The following LPIN1 variants were observed in gnomAD, a reference collection of about 807,000 sequenced individuals.
LPIN1 encodes phosphatidate phosphatase LPIN1.
Under a neutral mutation model 107.5 loss-of-function variants are expected in LPIN1, and 71 were observed. The ratio of observed to expected loss-of-function variants is 0.66; its 90% CI spans 0.55 to 0.80. The LOEUF is 0.80. Ranked by LOEUF, LPIN1 falls within the 30% of genes least tolerant of loss-of-function variation. The pLI is 0.00. For missense variants in LPIN1, 1,043 were observed against 1,160.6 expected (o/e 0.90, Z 1.47); for synonymous variants, 445 against 452.6 (o/e 0.98, Z 0.21).
At chr2:11,791,650 G>A (rs1266864816) in intron 12 of LPIN1, 1 of 1,289,654 alleles carries the variant, frequency 7.8e-7, no homozygotes, top group African/African-American at 1.6e-5. Context: ...TTTTTTTGTT[G>A]TTGTTGTTGT....
In LPIN1 at chr2:11,767,667, G is replaced by A. The variant is rs544270176; in HGVS notation, c.193-96G>A. 6.3e-6 allele frequency: 5 copies of A among 792,670 alleles called. No individual in the cohort carries two copies. The East Asian group carries it at 1.0e-4, about 16-fold the overall frequency. 49.1% of individuals were successfully genotyped at this position (792,670 alleles called of 1,614,324 possible). A position where few individuals can be genotyped will look rare whatever the true frequency, so the allele number is the denominator to read the frequency against. ...TTGTGTGGCACTTCAGGGTGTATGCGATGATAGCGTATCTGTGGAGACTTG... is the reference window on the plus strand; with the variant it reads ...TTGTGTGGCACTTCAGGGTGTATGCAATGATAGCGTATCTGTGGAGACTTG... On this transcript the variant is annotated intron_variant, in intron 2 of 20. Transcript: ENST00000674199.
chr2:11,720,423 G>A (rs1262952426), upstream of LPIN1, among the ~76,000 whole-genome samples: 1 of 152,032 alleles, frequency 6.6e-6, no homozygotes, highest in Non-Finnish European at 1.5e-5. Flanking sequence ...TACAATAATT[G>A]TATGCACAAA....
At chr2:11,740,684 G>GAAAAA (rs56188204) in intron 1 of LPIN1, among the ~76,000 whole-genome samples, 1 of 81,550 alleles carries the variant, frequency 1.2e-5, no homozygotes, top group Non-Finnish European at 2.4e-5. Flanking sequence ...GCTCTATCTC[G>GAAAAA]AAAAAAAAAA....
intron 13 of LPIN1, among the ~76,000 whole-genome samples, chr2:11,794,371 A>G (rs949576910): frequency 3.3e-5 from 5 of 152,250 alleles, no homozygotes; most frequent in Admixed American, 2.0e-4. Context: ...TTCTTTAAAA[A>G]TCTGAAATAT....
At chr2:11,709,263 G>A (rs1264939397) in intron 1 of LPIN1, among the ~76,000 whole-genome samples, 1 of 152,174 alleles carries the variant, frequency 6.6e-6, no homozygotes, top group African/African-American at 2.4e-5. Context: ...TATCATTGTT[G>A]GAATCATGGT....
intron 1 of LPIN1, among the ~76,000 whole-genome samples, chr2:11,730,561 CTT>C (rs1422010113): frequency 1.3e-5 from 2 of 152,148 alleles, no homozygotes; most frequent in African/African-American, 2.4e-5. Flanking sequence ...TTTTTCTTCA[CTT>C]TATAATTTTC....
chr2:11,784,493 A>G (rs1262778637), intron 9 of LPIN1, among the ~76,000 whole-genome samples: 1 of 152,170 alleles, frequency 6.6e-6, no homozygotes, highest in Non-Finnish European at 1.5e-5. Flanking sequence ...GTCGTGGTCC[A>G]CAGCCCAGTA....
At chr2:11,820,584 T>G in intron 20 of LPIN1, 70 bp downstream of exon 20, 1 of 1,148,634 alleles carries the variant, frequency 8.7e-7, no homozygotes, top group Non-Finnish European at 1.3e-6. Flanking sequence ...CTTCCCAGTT[T>G]GCGGTGTACC....
chr2:11,754,533 G>C (rs929400130), intron 1 of LPIN1, among the ~76,000 whole-genome samples: 16 of 152,328 alleles, frequency 1.1e-4, no homozygotes, highest in Middle Eastern at 3.4e-3. Flanking sequence ...CTTCTGAGAG[G>C]CTCTGTCAGG....
rs1211593626 is a variant in LPIN1, at chr2:11,765,202, GTGATGGGCCATGATGGACAC to G, written c.-9-314_-9-295del. Among the ~76,000 whole-genome samples, 2 of 151,500 alleles carry G rather than the reference GTGATGGGCCATGATGGACAC, an allele frequency of 1.3e-5. No individual in the cohort carries two copies. The highest frequency in any genetic ancestry group is 2.9e-5 in the Non-Finnish European group (2 of 67,882). ...GGACCCTGATGGGCTGTGATGGTCC[GTGATGGGCCATGATGGACAC>G]TGATGGGCCATGATGGGCCCTGATG... On this transcript the variant is annotated intron_variant, in intron 1 of 20. Transcript: ENST00000674199. This position sits in a 1 kb window ranked among gnomAD's most constrained non-coding sequence, Gnocchi z 4.4.
intron 1 of LPIN1, among the ~76,000 whole-genome samples, chr2:11,753,326 T>TA: frequency 6.6e-6 from 1 of 152,346 alleles, no homozygotes; most frequent in East Asian, 1.9e-4. Flanking sequence ...GCAGGCCTTT[T>TA]AAAGCATCTC....
intron 1 of LPIN1, among the ~76,000 whole-genome samples, chr2:11,746,962 T>C (rs1006958344): frequency 6.6e-6 from 1 of 152,066 alleles, no homozygotes; most frequent in African/African-American, 2.4e-5. Context: ...GCTTGGCTGA[T>C]CTCGAGCGGC....
chr2:11,773,692 C>T lies in LPIN1; in HGVS notation c.669C>T (p.Tyr223=). ...AAAACCTCTCCCTGGCTGTGATTTA[C>T]CCTCAGTCAGCCTCATACCCTAATT... The part of the protein sequence containing the change: ...PEENLSLAVI[Y]PQSASYPNSD... Residue 223 remains tyrosine, a synonymous_variant, in exon 5 of 21, where the codon TAC becomes TAT. Coordinates refer to ENST00000674199, the MANE Select transcript of LPIN1 (RefSeq NM_001349206.2). The T allele has an allele frequency of 1.2e-6, 2 of 1,613,268 alleles. No homozygotes were observed. Among genetic ancestry groups the T allele is most frequent in the South Asian group, 2.2e-5 (2 of 91,058 alleles).
Position 11,787,392 on chromosome 2 carries a change from CTTTTTCT to C in LPIN1, c.1643+231_1643+237del, listed in dbSNP as rs1317051003. 1.3e-3 allele frequency among the ~76,000 whole-genome samples: 143 copies of C among 113,690 alleles called. No individual in the cohort carries two copies. In the East Asian group the frequency reaches 0.019, roughly 15 times the overall value. 74.6% of individuals were successfully genotyped at this position (113,690 alleles called of 152,430 possible). A position where few individuals can be genotyped will look rare whatever the true frequency, so the allele number is the denominator to read the frequency against. On this transcript the variant is annotated intron_variant, in intron 11 of 20. Coordinates refer to ENST00000674199, the MANE Select transcript of LPIN1 (RefSeq NM_001349206.2). ...AGTCTTGTGAGTTTTCTTTTCTTTT[CTTTTTCT>C]TTTTTTTTTTTTTTTTTTTGCGACA...
At chr2:11,822,477 G>A (rs1162343400) in intron 20 of LPIN1, among the ~76,000 whole-genome samples, 3 of 151,640 alleles carry the variant, frequency 2.0e-5, no homozygotes, top group African/African-American at 7.3e-5. Flanking sequence ...AAAAAAAGGG[G>A]AGACCTCACA....
At position 11,782,320 on chromosome 2, in the gene LPIN1, A is replaced by G; in HGVS notation, c.1077A>G (p.Pro359=). 1.2e-6 allele frequency: 2 copies of G among 1,614,212 alleles called. No individual in the cohort carries two copies. The highest frequency in any genetic ancestry group is 1.7e-6 in the Non-Finnish European group (2 of 1,180,030). The change falls in exon 8 of 21, where the codon CCA becomes CCG. Residue 359 remains proline (P), a synonymous_variant. Transcript: ENST00000674199. ...ESSDTFSDQS[P]TLVGGALLDQ... is the part of the protein sequence containing the mutation. ...CAGACACTTTTAGTGACCAATCGCCAACTCTGGTCGGTGGGGCACTTTTGG... is the reference window on the plus strand; with the variant it reads ...CAGACACTTTTAGTGACCAATCGCCGACTCTGGTCGGTGGGGCACTTTTGG...
chr2:11,703,278 G>T (rs13431864), intron 1 of LPIN1, among the ~76,000 whole-genome samples: 24,153 of 152,068 alleles, frequency 0.16, 2,144 homozygotes, highest in East Asian at 0.3. Context: ...GCTGCTGCCT[G>T]CTGGGGGGAT....
intron 13 of LPIN1, among the ~76,000 whole-genome samples, chr2:11,794,173 A>G (rs1163878267): frequency 6.6e-6 from 1 of 152,184 alleles, no homozygotes; most frequent in African/African-American, 2.4e-5. Context: ...GTTCAAATAT[A>G]TATGCTTTAC....
upstream of LPIN1, among the ~76,000 whole-genome samples, chr2:11,722,778 C>T (rs1664244044): frequency 6.6e-6 from 1 of 152,090 alleles, no homozygotes; most frequent in Non-Finnish European, 1.5e-5. Context: ...TTTTAGCTCC[C>T]AAATTTTAAT....
Sources: allele counts gnomAD v4.1 joint callset (sites outside exome capture counted in the v4.1 genomes callset), GRCh38; gene constraint gnomAD v4.1.1; non-coding constraint Gnocchi (gnomAD v3.1); transcripts MANE v1.5; gene names NCBI Gene and HGNC (gene_info 2026-07-23, HGNC 2026-07-21).